Variants in HSF1 observed in about 807,000 individuals in gnomAD.
HSF1 encodes heat shock transcription factor 1.
In HSF1, 32 loss-of-function variants were observed where a neutral mutation model predicts 51.7. That is an observed-to-expected ratio of 0.62 (90% CI 0.47 to 0.83). The LOEUF (loss-of-function observed/expected upper bound fraction) is 0.83. HSF1 is among the 40% of genes least tolerant of loss of function. The pLI, the probability that HSF1 is intolerant of heterozygous loss-of-function variation, is 0.00. For missense variants in HSF1, 727 were observed against 717.0 expected, an observed-to-expected ratio of 1.01 and a Z score of -0.16; for synonymous variants, 396 against 309.7, an observed-to-expected ratio of 1.28 and a Z score of -2.92.
Position 144,305,723 on chromosome 8 carries a change from ATTTTTTTTT to A in HSF1, c.118-3164_118-3156del, listed in dbSNP as rs146075122. ...GTCTGCTCTTAAGCCCCTCTGGTTA[ATTTTTTTTT>A]TTTTTTTTTTTTTTTTTTGAGACGG... is the stretch of plus-strand genomic sequence containing the variant. On this transcript the variant is annotated intron_variant, in intron 1 of 12. Coordinates refer to ENST00000528838, the MANE Select transcript of HSF1 (RefSeq NM_005526.4). 1.1e-4 allele frequency among the ~76,000 whole-genome samples: 9 copies of A among 78,520 alleles called. No individual in the cohort carries two copies. In the East Asian group the frequency reaches 2.1e-3, roughly 19 times the overall value. 51.5% of individuals were successfully genotyped at this position (78,520 alleles called of 152,430 possible).
At chr8:144,307,156 G>T (rs532248550) in intron 1 of HSF1, among the ~76,000 whole-genome samples, 14 of 152,348 alleles carry the variant, frequency 9.2e-5, no homozygotes, top group African/African-American at 3.4e-4. Context: ...CTTCTCCCCA[G>T]CTGCCAGGCA....
rs1554843881 is a variant in HSF1 at position 144,309,496 on chromosome 8, G to A, written c.268G>A (p.Val90Ile). The change falls in exon 3 of 13, where the codon GTC becomes ATC. Residue 90 changes from valine (V) to isoleucine (I), a missense_variant. Transcript: ENST00000528838. ...GGTCCACATCGAGCAGGGCGGCCTG[G>A]TCAAGCCAGAGAGAGACGACACGGA... is the stretch of plus-strand genomic sequence containing the variant. The part of the protein sequence containing the change: ...KVVHIEQGGL[V>I]KPERDDTEFQ... The A allele has an allele frequency of 1.2e-6, 2 of 1,613,966 alleles. No homozygotes were observed. The highest frequency in any genetic ancestry group is 1.3e-5 in the African/African-American group (1 of 74,936).
At chr8:144,312,564 A>G (rs1333123133) in intron 9 of HSF1, 6 of 1,356,110 alleles carry the variant, frequency 4.4e-6, no homozygotes, top group Admixed American at 3.9e-5. Context: ...GATGGTGAGC[A>G]GGGCCGGCCT....
In HSF1 at chr8:144,313,634, GCCC is replaced by G. The variant is rs1816857622; in HGVS notation, c.1248+20_1248+22del. On this transcript the variant is annotated intron_variant, in intron 10 of 12. Coordinates refer to ENST00000528838, the MANE Select transcript of HSF1 (RefSeq NM_005526.4). ...TGCTGGACGTGAGTGGAGCCCCGCC[GCCC>G]CGCCTCCCCGCCCCGCCTCCCCGCC... 8 of 568,814 alleles carry G rather than the reference GCCC, an allele frequency of 1.4e-5. No individual in the cohort carries two copies. Among genetic ancestry groups the G allele is most frequent in the Admixed American group, 3.5e-5 (1 of 28,448 alleles). 35.2% of individuals were successfully genotyped at this position (568,814 alleles called of 1,614,324 possible). A position where few individuals can be genotyped will look rare whatever the true frequency, so the allele number is the denominator to read the frequency against.
chr8:144,300,212 CTTTTTT>C (rs1176636210), intron 1 of HSF1, among the ~76,000 whole-genome samples: 3 of 87,744 alleles, frequency 3.4e-5, no homozygotes, highest in Non-Finnish European at 6.2e-5. Context: ...GTTGTGTACT[CTTTTTT>C]TTTTTTTTTT....
intron 1 of HSF1, chr8:144,293,585 G>A (rs1295375683): frequency 2.0e-5 from 3 of 150,998 alleles, no homozygotes; most frequent in South Asian, 2.1e-4. Flanking sequence ...CTACAGGTGC[G>A]TGCTGCCACA....
At position 144,314,156 on chromosome 8, in the gene HSF1, G is replaced by T; in HGVS notation, c.1416G>T (p.Pro472=). The T allele has an allele frequency of 1.5e-6, 2 of 1,323,074 alleles. No individual in the cohort carries two copies. Among genetic ancestry groups the T allele is most frequent in the Non-Finnish European group, 2.0e-6 (2 of 1,010,412 alleles). The allele number at this position is 1,323,074 out of a possible 1,614,324, so 82.0% of individuals were successfully genotyped here. The change falls in exon 13 of 13, where the codon CCG becomes CCT. Residue 472 remains proline, a synonymous_variant. Transcript: ENST00000528838. ...GKQLVHYTAQ[P]LFLLDPGSVD... ...AGCTGGTGCACTACACAGCGCAGCCGCTGTTCCTGCTGGACCCCGGCTCCG... is the reference window on the plus strand; with the variant it reads ...AGCTGGTGCACTACACAGCGCAGCCTCTGTTCCTGCTGGACCCCGGCTCCG...
rs184576408 is a variant in HSF1, at chr8:144,296,346, C to T, written c.117+4472C>T. 8.5e-4 allele frequency among the ~76,000 whole-genome samples: 129 copies of T among 152,308 alleles called. 2 individuals are homozygous for T. The highest frequency in any genetic ancestry group is 5.9e-4 in the Non-Finnish European group (40 of 68,018). ...CCCCTGCTTCCCTGGTTCTGAGAGC[C>T]GCCAAGACCCAGCAGGCCCACTGGC... On this transcript the variant is annotated intron_variant, in intron 1 of 12. Transcript: ENST00000528838.
rs1207099749 is a variant in HSF1, at chr8:144,314,435, G to A, written c.*105G>A. The A allele has an allele frequency of 8.4e-6, 8 of 953,872 alleles. No individual in the cohort carries two copies. The highest frequency in any genetic ancestry group is 1.6e-5 in the African/African-American group (1 of 60,814). 59.1% of individuals were successfully genotyped at this position (953,872 alleles called of 1,614,324 possible). On this transcript the variant is annotated 3_prime_UTR_variant, in exon 13 of 13. Coordinates refer to ENST00000528838, the MANE Select transcript of HSF1 (RefSeq NM_005526.4). ...GGTCTTGGGCACTGGTGGGTCGGCC[G>A]CCATAGCCCCAGTAGGACAAACGGG...
chr8:144,314,179 C>T lies in HSF1; in HGVS notation c.1439C>T (p.Ser480Phe), dbSNP rs1259602915. The change falls in exon 13 of 13, where the codon TCC (serine) becomes TTC (phenylalanine). Residue 480 changes from serine to phenylalanine, a missense_variant. By Grantham distance (155) the Ser-to-Phe change is radical. Transcript: ENST00000528838. ...CCGCTGTTCCTGCTGGACCCCGGCT[C>T]CGTGGACACCGGGAGCAACGACCTG... The part of the protein sequence containing the change: ...AQPLFLLDPG[S>F]VDTGSNDLPV... The T allele has an allele frequency of 1.3e-6, 2 of 1,549,564 alleles. No homozygotes were observed. Among genetic ancestry groups the T allele is most frequent in the African/African-American group, 2.7e-5 (2 of 72,904 alleles).
chr8:144,304,167 G>C lies in HSF1; in HGVS notation c.118-4739G>C, dbSNP rs575027124. Among the ~76,000 whole-genome samples the C allele has an allele frequency of 1.5e-4, 23 of 152,208 alleles. 1 individual carries two copies. In the South Asian group the frequency reaches 4.8e-3, roughly 32 times the overall value. ...AGGGGAGAAGGGTCCCCATCTTCCT[G>C]CTCCCCTCTCCCTGAGTGTAGTACC... On this transcript the variant is annotated intron_variant, in intron 1 of 12. Coordinates refer to ENST00000528838, the MANE Select transcript of HSF1 (RefSeq NM_005526.4).
chr8:144,308,779 T>C (rs1318895840), intron 1 of HSF1, 127 bp from the exon 2 acceptor site: 2 of 761,328 alleles, frequency 2.6e-6, no homozygotes, highest in African/African-American at 1.7e-5. Context: ...GGGCCTCCCA[T>C]GGCCCCAGCC....
chr8:144,309,183 G>T lies in HSF1; in HGVS notation c.226+169G>T, dbSNP rs1010563570. The T allele has an allele frequency of 5.9e-6, 4 of 676,186 alleles. No homozygotes were observed. In the African/African-American group the frequency reaches 7.2e-5, roughly 12 times the overall value. The allele number at this position is 676,186 out of a possible 1,614,324, so 41.9% of individuals were successfully genotyped here. ...GGGGAGCAGCCGCCTCTTCCATGGGGGAGGGTCCTTGTGGGTATGAACCTG... is the reference window on the plus strand; with the variant it reads ...GGGGAGCAGCCGCCTCTTCCATGGGTGAGGGTCCTTGTGGGTATGAACCTG... On this transcript the variant is annotated intron_variant, in intron 2 of 12. Transcript: ENST00000528838.
chr8:144,314,390 G>T lies in HSF1; in HGVS notation c.*60G>T. 6.9e-7 allele frequency: 1 copy of T among 1,449,526 alleles called. No homozygotes were observed. The highest frequency in any genetic ancestry group is 9.4e-7 in the Non-Finnish European group (1 of 1,064,064). The allele number at this position is 1,449,526 out of a possible 1,614,324, so 89.8% of individuals were successfully genotyped here. On this transcript the variant is annotated 3_prime_UTR_variant, in exon 13 of 13. Coordinates refer to ENST00000528838, the MANE Select transcript of HSF1 (RefSeq NM_005526.4). ...CACCCCCAGTGCAGGGCTGGTCTTGGGGAGGCAGGGCAGCCTCGCGGTCTT... is the reference window on the plus strand; with the variant it reads ...CACCCCCAGTGCAGGGCTGGTCTTGTGGAGGCAGGGCAGCCTCGCGGTCTT...
At chr8:144,299,874 A>C (rs1386226316) in intron 1 of HSF1, among the ~76,000 whole-genome samples, 1 of 152,160 alleles carries the variant, frequency 6.6e-6, no homozygotes, top group African/African-American at 2.4e-5. Flanking sequence ...GTGCCACTGC[A>C]CTCCAGCCTG....
chr8:144,311,093 G>A, intron 4 of HSF1, 81 bp from the exon 5 acceptor site: 4 of 1,321,626 alleles, frequency 3.0e-6, no homozygotes, highest in Non-Finnish European at 4.2e-6. Flanking sequence ...CCTGCATGGG[G>A]GACAGGGAGG....
intron 6 of HSF1, 47 bp downstream of exon 6, chr8:144,311,429 G>C: frequency 1.2e-6 from 2 of 1,612,574 alleles, no homozygotes; most frequent in Non-Finnish European, 1.7e-6. Context: ...GCCCAGGGCT[G>C]TCCCCCTTCT....
rs528324832 is a variant in HSF1 at position 144,309,413 on chromosome 8, C to T, written c.227-42C>T. 9 of 1,611,048 alleles carry T rather than the reference C, an allele frequency of 5.6e-6. No homozygotes were observed. The Admixed American group carries it at 1.5e-4, about 27-fold the overall frequency. On this transcript the variant is annotated intron_variant, in intron 2 of 12. Coordinates refer to ENST00000528838, the MANE Select transcript of HSF1 (RefSeq NM_005526.4). ...GTGGCCGCTCTTCAGGGGTTCTGGT[C>T]CCGCCCTGAGGCAGAGCTGCCCCCT...
chr8:144,309,180 G>A, intron 2 of HSF1, 166 bp downstream of exon 2: 1 of 678,402 alleles, frequency 1.5e-6, no homozygotes, highest in South Asian at 1.8e-5. Flanking sequence ...CCTCTTCCAT[G>A]GGGGAGGGTC....
Sources: allele counts gnomAD v4.1 joint callset (sites outside exome capture counted in the v4.1 genomes callset), GRCh38; gene constraint gnomAD v4.1.1; transcripts MANE v1.5; gene names NCBI Gene and HGNC (gene_info 2026-07-23, HGNC 2026-07-21).